The following PRKCI variants were observed in gnomAD, a reference collection of about 807,000 sequenced individuals.
The protein encoded by PRKCI is protein kinase C iota, also known as protein kinase C iota type.
In PRKCI, 43 loss-of-function variants were observed where a neutral mutation model predicts 84.0. That is an observed-to-expected ratio of 0.51 (90% confidence interval 0.40 to 0.66). The LOEUF (loss-of-function observed/expected upper bound fraction) is 0.66, where lower values mean the gene tolerates loss of function less well. Among genes scored for constraint, PRKCI ranks in the 30% least tolerant of loss-of-function variants. PRKCI has a pLI of 0.00. For missense variants in PRKCI, 459 were observed against 745.6 expected, an observed-to-expected ratio of 0.62 and a Z score of 4.48; for synonymous variants, 216 against 234.4, an observed-to-expected ratio of 0.92 and a Z score of 0.72.
intron 3 of PRKCI, among the ~76,000 whole-genome samples, chr3:170,260,563 G>A (rs898990507): frequency 6.6e-5 from 10 of 152,052 alleles, no homozygotes; most frequent in Non-Finnish European, 1.3e-4. Flanking sequence ...CTGGGTTCAA[G>A]CATCTCAGCC....
chr3:170,263,432 G>C lies in PRKCI; in HGVS notation c.364+3G>C. The stretch of plus-strand genomic sequence containing the variant: ...GATGCCTTGTCCAGGAGAAGATAGT[G>C]AGTGTTTATATACTTCATACCTTTT... On this transcript the variant is annotated splice_donor_region_variant and intron_variant, in intron 4 of 17. Transcript: ENST00000295797. 1 of 1,581,770 alleles carries C rather than the reference G, an allele frequency of 6.3e-7. No homozygotes were observed. Among genetic ancestry groups the C allele is most frequent in the African/African-American group, 1.3e-5 (1 of 74,260 alleles).
intron 5 of PRKCI, among the ~76,000 whole-genome samples, chr3:170,269,015 A>T (rs1419475552): frequency 2.0e-5 from 3 of 152,076 alleles, no homozygotes; most frequent in Non-Finnish European, 4.4e-5. Flanking sequence ...CTTGGGTTCA[A>T]GCGATTCTTG....
At chr3:170,263,743 G>C (rs1733790240) in intron 4 of PRKCI, among the ~76,000 whole-genome samples, 1 of 152,078 alleles carries the variant, frequency 6.6e-6, no homozygotes. Context: ...GCTACAGTGA[G>C]CCAAGGTCGC....
chr3:170,286,070 A>C (rs1362936599), intron 12 of PRKCI, among the ~76,000 whole-genome samples: 2 of 151,738 alleles, frequency 1.3e-5, no homozygotes, highest in South Asian at 2.1e-4. Context: ...GATTACAGGC[A>C]CCTGCCACCA....
intron 12 of PRKCI, among the ~76,000 whole-genome samples, chr3:170,291,196 A>G (rs1734541949): frequency 6.6e-6 from 1 of 152,102 alleles, no homozygotes; most frequent in Admixed American, 6.6e-5. Flanking sequence ...AGTCTTATCA[A>G]TGGTTGTATT....
chr3:170,270,352 C>T, intron 5 of PRKCI, 69 bp from the exon 6 acceptor site: 1 of 1,424,782 alleles, frequency 7.0e-7, no homozygotes, highest in Admixed American at 2.0e-5. Context: ...GGAATTGAGT[C>T]AGCAAACTAT....
intron 4 of PRKCI, 37 bp from the exon 5 acceptor site, chr3:170,267,878 C>G: frequency 7.0e-7 from 1 of 1,438,442 alleles, no homozygotes; most frequent in Non-Finnish European, 9.5e-7. Context: ...CTCAAACTTG[C>G]TCTTTTTTCT....
At chr3:170,270,995 T>C (rs1172864464) in intron 6 of PRKCI, among the ~76,000 whole-genome samples, 2 of 151,694 alleles carry the variant, frequency 1.3e-5, no homozygotes, top group African/African-American at 4.9e-5. Context: ...TTTAAAATTT[T>C]TATTTATTAA....
chr3:170,293,606 C>A, intron 14 of PRKCI, 98 bp downstream of exon 14: 1 of 1,316,084 alleles, frequency 7.6e-7, no homozygotes. Flanking sequence ...GAAAAATGAG[C>A]ATAATCTGGA....
intron 8 of PRKCI, among the ~76,000 whole-genome samples, chr3:170,275,717 G>T (rs1468945902): frequency 6.6e-6 from 1 of 151,758 alleles, no homozygotes; most frequent in Non-Finnish European, 1.5e-5. Flanking sequence ...AAAATGATTT[G>T]ATTAAAATAA....
At chr3:170,277,084 TAC>T (rs1734133748) in intron 8 of PRKCI, among the ~76,000 whole-genome samples, 1 of 67,426 alleles carries the variant, frequency 1.5e-5, no homozygotes, top group East Asian at 4.8e-4. Context: ...CTACTAAAAA[TAC>T]AAAAAAAAAA....
intron 4 of PRKCI, among the ~76,000 whole-genome samples, chr3:170,267,529 T>A (rs911889120): frequency 2.6e-5 from 4 of 151,806 alleles, no homozygotes; most frequent in African/African-American, 9.7e-5. Flanking sequence ...CAAAATTAGC[T>A]GAGCATGGTG....
intron 9 of PRKCI, 31 bp downstream of exon 9, chr3:170,280,434 C>T: frequency 6.4e-7 from 1 of 1,551,968 alleles, no homozygotes; most frequent in South Asian, 1.2e-5. Flanking sequence ...TGCTTCTAAA[C>T]TGCTTGAGAA....
intron 2 of PRKCI, 130 bp downstream of exon 2, chr3:170,235,481 TTTTC>T (rs1378276579): frequency 5.7e-6 from 6 of 1,044,492 alleles, no homozygotes; most frequent in Non-Finnish European, 8.1e-6. Context: ...CATTCTTGTT[TTTTC>T]TTTAAGTATT....
At position 170,257,498 on chromosome 3, in the gene PRKCI, C is replaced by G. The variant is rs557292948; in HGVS notation, c.224-2471C>G. Among the ~76,000 whole-genome samples, 4 of 152,100 alleles carry G rather than the reference C, an allele frequency of 2.6e-5. No homozygotes were observed. In the East Asian group the frequency reaches 7.7e-4, roughly 29 times the overall value. ...TTGTTTCATTATAAAAGATTACAAA[C>G]TTATGATTTTTAAAATATTAAAGAG... is the stretch of plus-strand genomic sequence containing the variant. On this transcript the variant is annotated intron_variant, in intron 2 of 17. Coordinates refer to ENST00000295797, the MANE Select transcript of PRKCI (RefSeq NM_002740.6).
intron 2 of PRKCI, among the ~76,000 whole-genome samples, chr3:170,248,347 C>T (rs1462109908): frequency 7.2e-6 from 1 of 138,664 alleles, no homozygotes; most frequent in African/African-American, 2.9e-5. Flanking sequence ...ACAGCAGCAA[C>T]AAAAACAAAA....
At chr3:170,247,825 A>G (rs77562560) in intron 2 of PRKCI, among the ~76,000 whole-genome samples, 3,177 of 152,086 alleles carry the variant, frequency 0.021, 53 homozygotes, top group East Asian at 0.084. Context: ...CACCTCCCAG[A>G]AAAAGGAAGC....
In PRKCI at chr3:170,280,245, A is replaced by C; in HGVS notation, c.724A>C (p.Ser242Arg). Residue 242 changes from serine to arginine, a missense_variant, in exon 9 of 18, where the codon AGT becomes CGT. Coordinates refer to ENST00000295797, the MANE Select transcript of PRKCI (RefSeq NM_002740.6). The part of the protein sequence containing the change: ...EEKEAMNTRE[S>R]GKASSSLGLQ... ...TCAACAGGCAATGAACACCAGGGAAAGTGGCAAAGCTTCATCCAGTCTAGG... is the reference window on the plus strand; with the variant it reads ...TCAACAGGCAATGAACACCAGGGAACGTGGCAAAGCTTCATCCAGTCTAGG... 1 of 1,611,118 alleles carries C rather than the reference A, an allele frequency of 6.2e-7. No individual in the cohort carries two copies. The highest frequency in any genetic ancestry group is 2.2e-5 in the East Asian group (1 of 44,846).
chr3:170,279,806 AC>A (rs1406808899), intron 8 of PRKCI, among the ~76,000 whole-genome samples: 1 of 152,022 alleles, frequency 6.6e-6, no homozygotes, highest in African/African-American at 2.4e-5. Flanking sequence ...ATCATGAAAA[AC>A]CCAATCGTTC....
Sources: allele counts gnomAD v4.1 joint callset (sites outside exome capture counted in the v4.1 genomes callset), GRCh38; gene constraint gnomAD v4.1.1; transcripts MANE v1.5; gene names NCBI Gene and HGNC (gene_info 2026-07-23, HGNC 2026-07-21).